ARHGAP15: variants seen among roughly 807,000 people sequenced by gnomAD.
ARHGAP15 encodes the protein Rho GTPase activating protein 15.
ARHGAP15 carries 51 observed loss-of-function variants against 63.7 expected under a neutral mutation model. The ratio of observed to expected loss-of-function variants is 0.80; its 90% CI spans 0.64 to 1.01. The LOEUF is 1.01. ARHGAP15 is among the 50% of genes least tolerant of loss of function. The probability of loss-of-function intolerance (pLI) is 0.00; values close to 1 mark genes in which losing one functional copy is unlikely to be tolerated. For synonymous variants in ARHGAP15, 191 were observed against 193.8 expected (o/e 0.99, Z 0.12); for missense variants, 560 against 564.6 (o/e 0.99, Z 0.08).
At chr2:143,304,842 G>T (rs1408612032) in intron 6 of ARHGAP15, among the ~76,000 whole-genome samples, 5 of 152,052 alleles carry the variant, frequency 3.3e-5, no homozygotes, top group Admixed American at 2.6e-4. Flanking sequence ...GCTGGAGAGG[G>T]TATGGAGAAA....
intron 6 of ARHGAP15, among the ~76,000 whole-genome samples, chr2:143,338,931 CAAAAT>C (rs1427457470): frequency 6.6e-6 from 1 of 151,878 alleles, no homozygotes; most frequent in Non-Finnish European, 1.5e-5. Context: ...TTCTGGGTTC[CAAAAT>C]TCAAGTTCTT....
chr2:143,441,527 AG>A (rs749718766), intron 8 of ARHGAP15, among the ~76,000 whole-genome samples: 65 of 152,246 alleles, frequency 4.3e-4, no homozygotes, highest in Admixed American at 6.5e-5. Context: ...TTTTTTATGA[AG>A]AAATACAACT....
intron 11 of ARHGAP15, among the ~76,000 whole-genome samples, chr2:143,604,365 T>A (rs754036304): frequency 6.6e-6 from 1 of 152,200 alleles, no homozygotes; most frequent in African/African-American, 2.4e-5. Flanking sequence ...GTGTGTGCAC[T>A]GTTCTTCACG....
chr2:143,515,874 T>C (rs1693791266), intron 9 of ARHGAP15, among the ~76,000 whole-genome samples: 1 of 152,226 alleles, frequency 6.6e-6, no homozygotes, highest in Non-Finnish European at 1.5e-5. Flanking sequence ...TATAACTTAA[T>C]ACATCAAGAT....
At chr2:143,476,768 C>A (rs2105203093) in intron 8 of ARHGAP15, among the ~76,000 whole-genome samples, 1 of 152,280 alleles carries the variant, frequency 6.6e-6, no homozygotes, top group South Asian at 2.1e-4. Flanking sequence ...TAGCAATTTA[C>A]AGTACAAGAG....
chr2:143,249,675 A>G (rs1256940886), intron 5 of ARHGAP15, among the ~76,000 whole-genome samples: 1 of 152,122 alleles, frequency 6.6e-6, no homozygotes. Flanking sequence ...AGGTATGCCA[A>G]TGTAAAGTTG....
rs533727756 is a variant in ARHGAP15, at chr2:143,234,024, A to G, written c.384+5356A>G. Among the ~76,000 whole-genome samples, 111 of 152,192 alleles carry G rather than the reference A, an allele frequency of 7.3e-4. 1 individual carries two copies. Among genetic ancestry groups the G allele is most frequent in the African/African-American group, 2.5e-3 (105 of 41,522 alleles). Reference sequence around the variant, plus strand: ...CTAAACCTTCAGTTAAACCCATGTTAAATTTCTCACTGTATTCTCTAAATG... The same window carrying G: ...CTAAACCTTCAGTTAAACCCATGTTGAATTTCTCACTGTATTCTCTAAATG... On this transcript the variant is annotated intron_variant, in intron 5 of 13. Coordinates refer to ENST00000295095, the MANE Select transcript of ARHGAP15 (RefSeq NM_018460.4).
At chr2:143,638,076 T>G (rs963266570) in intron 12 of ARHGAP15, among the ~76,000 whole-genome samples, 1 of 144,564 alleles carries the variant, frequency 6.9e-6, no homozygotes, top group African/African-American at 2.5e-5. Flanking sequence ...GTTCAACCAT[T>G]GTGGAAGTCA....
At chr2:143,536,386 TTTA>T (rs1260127308) in intron 10 of ARHGAP15, among the ~76,000 whole-genome samples, 1 of 152,132 alleles carries the variant, frequency 6.6e-6, no homozygotes, top group African/African-American at 2.4e-5. Context: ...GATTTTTTTT[TTTA>T]TTATTTAAGT....
intron 6 of ARHGAP15, among the ~76,000 whole-genome samples, chr2:143,318,685 A>G (rs1349366982): frequency 6.6e-6 from 1 of 152,058 alleles, no homozygotes. Flanking sequence ...ACATGAGAAT[A>G]TTAAAATCGA....
intron 2 of ARHGAP15, among the ~76,000 whole-genome samples, chr2:143,167,062 T>G (rs934314843): frequency 6.6e-6 from 1 of 152,114 alleles, no homozygotes; most frequent in Non-Finnish European, 1.5e-5. Flanking sequence ...TATTTTTGTT[T>G]CAACACGAAA....
At chr2:143,719,711 G>A (rs889731101) in intron 13 of ARHGAP15, among the ~76,000 whole-genome samples, 2 of 152,244 alleles carry the variant, frequency 1.3e-5, no homozygotes, top group South Asian at 2.1e-4. Flanking sequence ...TTTACTGCTA[G>A]TTTACATGTC....
chr2:143,543,250 G>A (rs962231330), intron 10 of ARHGAP15, among the ~76,000 whole-genome samples: 7 of 152,054 alleles, frequency 4.6e-5, no homozygotes, highest in Non-Finnish European at 8.8e-5. Context: ...TCAGAGGTAA[G>A]GTGATATCTC....
intron 2 of ARHGAP15, among the ~76,000 whole-genome samples, chr2:143,170,622 G>C (rs993607824): frequency 6.6e-6 from 1 of 152,074 alleles, no homozygotes; most frequent in Non-Finnish European, 1.5e-5. Context: ...GTGGGAATCA[G>C]ATGTGTATTC....
In ARHGAP15 at chr2:143,289,917, A is replaced by G. The variant is rs145545355; in HGVS notation, c.474+39317A>G. Among the ~76,000 whole-genome samples the G allele has an allele frequency of 2.0e-5, 3 of 152,324 alleles. No individual in the cohort carries two copies. The East Asian group carries it at 5.8e-4, about 29-fold the overall frequency. On this transcript the variant is annotated intron_variant, in intron 6 of 13. Transcript: ENST00000295095. ...CAACTAGACAATCTGATTCTTTACA[A>G]TAGTCATTCATAATAAACTTTGAAT...
chr2:143,345,291 T>G (rs1403604277), intron 6 of ARHGAP15, among the ~76,000 whole-genome samples: 1 of 152,058 alleles, frequency 6.6e-6, no homozygotes, highest in African/African-American at 2.4e-5. Flanking sequence ...CAGTTCAAGC[T>G]TCCCCCACAT....
intron 2 of ARHGAP15, among the ~76,000 whole-genome samples, chr2:143,164,128 C>A (rs1449827015): frequency 6.6e-6 from 1 of 151,992 alleles, no homozygotes; most frequent in Non-Finnish European, 1.5e-5. Context: ...GGACTTCAGT[C>A]CCTGATGTGT....
chr2:143,180,297 A>G (rs545715386), intron 2 of ARHGAP15, among the ~76,000 whole-genome samples: 3 of 152,356 alleles, frequency 2.0e-5, no homozygotes, highest in African/African-American at 7.2e-5. Flanking sequence ...ACTGGGGTAC[A>G]TTCCATCTCA....
chr2:143,274,656 A>C (rs1039009531), intron 6 of ARHGAP15, among the ~76,000 whole-genome samples: 3 of 152,236 alleles, frequency 2.0e-5, no homozygotes, highest in East Asian at 3.8e-4. Context: ...TCATGTTACC[A>C]TACAATTGAT....
Sources: allele counts gnomAD v4.1 joint callset (sites outside exome capture counted in the v4.1 genomes callset), GRCh38; gene constraint gnomAD v4.1.1; transcripts MANE v1.5; gene names NCBI Gene and HGNC (gene_info 2026-07-23, HGNC 2026-07-21).